RGS6: variants seen among roughly 807,000 people sequenced by gnomAD.
RGS6 encodes regulator of G protein signaling 6.
Under a neutral mutation model 78.5 loss-of-function variants are expected in RGS6, and 30 were observed. The ratio of observed to expected loss-of-function variants is 0.38; its 90% CI spans 0.29 to 0.52. RGS6 has a LOEUF of 0.52. Among genes scored for constraint, RGS6 ranks in the 20% least tolerant of loss-of-function variants. The pLI, the probability that RGS6 is intolerant of heterozygous loss-of-function variation, is 0.85. For synonymous variants in RGS6, 206 were observed against 206.0 expected, an observed-to-expected ratio of 1.00 and a Z score of 0.00; for missense variants, 495 against 609.7, an observed-to-expected ratio of 0.81 and a Z score of 1.98.
At chr14:72,544,630 A>T (rs1009431750) in intron 17 of RGS6, among the ~76,000 whole-genome samples, 11 of 152,116 alleles carry the variant, frequency 7.2e-5, no homozygotes, top group African/African-American at 2.7e-4. Context: ...TTGGCATGTG[A>T]TGGGTGGCAT....
chr14:72,553,619 C>T (rs1298073751), intron 17 of RGS6, among the ~76,000 whole-genome samples: 1 of 152,164 alleles, frequency 6.6e-6, no homozygotes, highest in Non-Finnish European at 1.5e-5. Flanking sequence ...TGAGATGAGT[C>T]CCTTGTCCCA....
intron 2 of RGS6, among the ~76,000 whole-genome samples, chr14:71,974,289 TGTTA>T (rs1230435497): frequency 6.6e-6 from 1 of 152,252 alleles, no homozygotes; most frequent in Non-Finnish European, 1.5e-5. Flanking sequence ...TTAAAAGTTC[TGTTA>T]GTTTGCCAGT....
chr14:72,226,347 T>C (rs1012220), intron 2 of RGS6, among the ~76,000 whole-genome samples: 75,243 of 152,106 alleles, frequency 0.49, 18,871 homozygotes, highest in Middle Eastern at 0.63. Flanking sequence ...GACATTAAAA[T>C]TTTAAAATCT....
At chr14:72,442,714 G>C (rs908960722) in intron 3 of RGS6, among the ~76,000 whole-genome samples, 1 of 152,188 alleles carries the variant, frequency 6.6e-6, no homozygotes, top group Admixed American at 6.5e-5. Flanking sequence ...CACTTCTATC[G>C]TATTCTACAG....
At chr14:72,343,752 C>CA (rs1480968577) in intron 2 of RGS6, among the ~76,000 whole-genome samples, 1 of 152,206 alleles carries the variant, frequency 6.6e-6, no homozygotes, top group Non-Finnish European at 1.5e-5. Flanking sequence ...CCAATAATCT[C>CA]ATTTATCCAG....
chr14:72,163,154 TACTC>T (rs2096876669), intron 2 of RGS6, among the ~76,000 whole-genome samples: 1 of 152,022 alleles, frequency 6.6e-6, no homozygotes, highest in Non-Finnish European at 1.5e-5. Flanking sequence ...CTAAAATACT[TACTC>T]ATGTAACCAA....
chr14:72,107,785 C>G (rs1441755162), intron 2 of RGS6, among the ~76,000 whole-genome samples: 1 of 152,072 alleles, frequency 6.6e-6, no homozygotes, highest in African/African-American at 2.4e-5. Flanking sequence ...TCTTGATTCT[C>G]AAGGACATAG....
chr14:72,425,867 A>C (rs1035831702), intron 3 of RGS6, among the ~76,000 whole-genome samples: 2 of 152,212 alleles, frequency 1.3e-5, no homozygotes, highest in Admixed American at 1.3e-4. Context: ...GCAAAAAGAA[A>C]ATGGAAAACT....
chr14:72,007,054 A>T (rs1315852691), intron 2 of RGS6, among the ~76,000 whole-genome samples: 1 of 152,136 alleles, frequency 6.6e-6, no homozygotes, highest in African/African-American at 2.4e-5. Context: ...AATTAACAAC[A>T]CTGTCACCTG....
intron 17 of RGS6, chr14:72,550,416 A>G: frequency 6.7e-7 from 1 of 1,503,548 alleles, no homozygotes; most frequent in South Asian, 1.2e-5. Flanking sequence ...TTTTGTTTGC[A>G]CTAAGCACCA....
chr14:72,271,920 CTTTTTTT>C (rs35019998), intron 2 of RGS6, among the ~76,000 whole-genome samples: 1 of 132,866 alleles, frequency 7.5e-6, no homozygotes, highest in Non-Finnish European at 1.6e-5. Flanking sequence ...CACAGCATCA[CTTTTTTT>C]TTTTTTTTTT....
At chr14:72,604,796 G>A in the RGS6 span, among the ~76,000 whole-genome samples, 4 of 152,268 alleles carry the variant, frequency 2.6e-5, no homozygotes, top group South Asian at 4.1e-4. Context: ...AGTCCCTGGC[G>A]GGGATGGCAT....
the RGS6 span, among the ~76,000 whole-genome samples, chr14:71,867,728 A>G: frequency 6.6e-6 from 1 of 152,186 alleles, no homozygotes; most frequent in African/African-American, 2.4e-5. Flanking sequence ...ATCCCTTCAC[A>G]CATCTTATTC....
chr14:71,873,086 G>A, the RGS6 span, among the ~76,000 whole-genome samples: 63 of 152,286 alleles, frequency 4.1e-4, 1 homozygote, highest in East Asian at 8.9e-3. Context: ...ATTGTGAATA[G>A]TGCCGCAATA....
intron 2 of RGS6, among the ~76,000 whole-genome samples, chr14:72,310,259 G>C (rs938717206): frequency 6.6e-6 from 1 of 152,248 alleles, no homozygotes; most frequent in African/African-American, 2.4e-5. Flanking sequence ...CCTGGCACTA[G>C]AGATACAGCA....
At chr14:72,140,971 C>T (rs1344951072) in intron 2 of RGS6, among the ~76,000 whole-genome samples, 1 of 152,202 alleles carries the variant, frequency 6.6e-6, no homozygotes, top group African/African-American at 2.4e-5. Flanking sequence ...TGCTACAATC[C>T]TTGTCAAGAC....
intron 2 of RGS6, among the ~76,000 whole-genome samples, chr14:72,219,225 A>G (rs2046312788): frequency 6.6e-6 from 1 of 152,064 alleles, no homozygotes; most frequent in South Asian, 2.1e-4. Context: ...GGGTGACCAC[A>G]CTGCACGTGA....
intron 2 of RGS6, among the ~76,000 whole-genome samples, chr14:72,332,731 C>T (rs369212498): frequency 2.0e-5 from 3 of 152,306 alleles, no homozygotes; most frequent in South Asian, 4.1e-4. Flanking sequence ...TCCTTTCTCT[C>T]CTACCAAGGA....
the RGS6 span, among the ~76,000 whole-genome samples, chr14:72,573,338 C>T: frequency 6.6e-6 from 1 of 152,176 alleles, no homozygotes; most frequent in Non-Finnish European, 1.5e-5. Flanking sequence ...AGTGGGAAGA[C>T]TTGGGTTCAC....
Sources: allele counts gnomAD v4.1 joint callset (sites outside exome capture counted in the v4.1 genomes callset), GRCh38; gene constraint gnomAD v4.1.1; transcripts MANE v1.5; gene names NCBI Gene and HGNC (gene_info 2026-07-23, HGNC 2026-07-21).